The following ATP13A3 variants were observed in gnomAD, a reference collection of about 807,000 sequenced individuals.
The protein encoded by ATP13A3 is ATPase 13A3, also known as polyamine-transporting ATPase 13A3.
Under a neutral mutation model 158.1 loss-of-function variants are expected in ATP13A3, and 59 were observed. The observed-to-expected ratio is 0.37, with a 90% CI of 0.30 to 0.46. The LOEUF (loss-of-function observed/expected upper bound fraction) is 0.46. Ranked by LOEUF, ATP13A3 falls within the 20% of genes least tolerant of loss-of-function variation. ATP13A3 has a pLI of 1.00. For missense variants in ATP13A3, 1,166 were observed against 1,525.2 expected, an observed-to-expected ratio of 0.76 and a Z score of 3.92; for synonymous variants, 491 against 504.3, an observed-to-expected ratio of 0.97 and a Z score of 0.35.
chr3:194,437,020 T>G, intron 20 of ATP13A3, 75 bp downstream of exon 20: 1 of 1,482,684 alleles, frequency 6.7e-7, no homozygotes, highest in Non-Finnish European at 9.2e-7. Context: ...CTCAATTACA[T>G]GCAAATTACT....
intron 3 of ATP13A3, 34 bp from the exon 4 acceptor site, chr3:194,460,865 C>G: frequency 4.4e-6 from 7 of 1,581,668 alleles, no homozygotes; most frequent in Non-Finnish European, 6.0e-6. Context: ...GATTAATTAT[C>G]AAATGATAAA....
chr3:194,484,759 T>C (rs1287029253), intron 2 of ATP13A3, among the ~76,000 whole-genome samples: 1 of 152,138 alleles, frequency 6.6e-6, no homozygotes, highest in Non-Finnish European at 1.5e-5. Flanking sequence ...CTAAACTAAC[T>C]ATGTAAGTAT....
At chr3:194,437,266 T>G (rs774900470) in intron 19 of ATP13A3, 45 bp downstream of exon 19, 1 of 1,613,938 alleles carries the variant, frequency 6.2e-7, no homozygotes, top group Non-Finnish European at 8.5e-7. Flanking sequence ...AATACAAGTT[T>G]ACTCAAATAC....
Position 194,404,000 on chromosome 3 carries a change from G to T in ATP13A3, c.*1919C>A, listed in dbSNP as rs1478975289. The T allele has an allele frequency of 5.1e-6, 2 of 389,942 alleles. No homozygotes were observed. Among genetic ancestry groups the T allele is most frequent in the Non-Finnish European group, 1.0e-5 (2 of 197,574 alleles). 24.2% of individuals were successfully genotyped at this position (389,942 alleles called of 1,614,324 possible). A position where few individuals can be genotyped will look rare whatever the true frequency, so the allele number is the denominator to read the frequency against. On this transcript the variant is annotated 3_prime_UTR_variant, in exon 34 of 34. Coordinates refer to ENST00000645319, the MANE Select transcript of ATP13A3 (RefSeq NM_001367549.1). ...AATCGGATAATTGAATTTTTAAGCT[G>T]CTACTTAGCAATTACTTTCATTATA...
chr3:194,478,338 C>T (rs900808595), intron 2 of ATP13A3, among the ~76,000 whole-genome samples: 14 of 151,604 alleles, frequency 9.2e-5, no homozygotes, highest in Non-Finnish European at 1.5e-5. Flanking sequence ...TGACCAATGG[C>T]ACCAGGGAGA....
At chr3:194,425,273 A>T in intron 30 of ATP13A3, 69 bp downstream of exon 30, 1 of 1,357,786 alleles carries the variant, frequency 7.4e-7, no homozygotes, top group South Asian at 1.3e-5. Context: ...AGACAGTTAT[A>T]ATTATTCTCT....
chr3:194,427,273 G>C (rs1716854504), intron 28 of ATP13A3, 21 bp from the exon 29 acceptor site: 1 of 1,570,328 alleles, frequency 6.4e-7, no homozygotes, highest in African/African-American at 1.4e-5. Context: ...AAGAAAAAGA[G>C]GAAAGGTTTG....
intron 6 of ATP13A3, 39 bp downstream of exon 6, chr3:194,459,432 A>G (rs749033873): frequency 5.2e-6 from 7 of 1,343,080 alleles, no homozygotes; most frequent in South Asian, 2.4e-5. Context: ...CGTTTTCAGG[A>G]TATTCAAAAT....
At chr3:194,445,705 A>G (rs755963978) in intron 14 of ATP13A3, among the ~76,000 whole-genome samples, 19 of 152,232 alleles carry the variant, frequency 1.2e-4, no homozygotes, top group African/African-American at 3.9e-4. Flanking sequence ...CTAACAGAAC[A>G]TGTTTCCCAT....
At chr3:194,434,180 C>G (rs1467775386) in intron 20 of ATP13A3, among the ~76,000 whole-genome samples, 1 of 152,160 alleles carries the variant, frequency 6.6e-6, no homozygotes, top group Non-Finnish European at 1.5e-5. Context: ...AAGCATAAAT[C>G]TATTCTTTAC....
chr3:194,472,545 C>T (rs1720352169), intron 2 of ATP13A3, among the ~76,000 whole-genome samples: 1 of 152,180 alleles, frequency 6.6e-6, no homozygotes, highest in South Asian at 2.1e-4. Flanking sequence ...AGAAATAGAA[C>T]TGCTGCAGTT....
chr3:194,417,567 G>A (rs1715954015), intron 31 of ATP13A3, among the ~76,000 whole-genome samples: 1 of 152,038 alleles, frequency 6.6e-6, no homozygotes. Context: ...ATGGTAGCAT[G>A]GACAATATAG....
At chr3:194,472,521 T>C (rs747431372) in intron 2 of ATP13A3, among the ~76,000 whole-genome samples, 2 of 152,206 alleles carry the variant, frequency 1.3e-5, no homozygotes, top group Non-Finnish European at 2.9e-5. Flanking sequence ...AAGGCTGAGT[T>C]ACAACAAGAC....
At chr3:194,468,195 C>G (rs1014451739) in intron 2 of ATP13A3, 1 of 151,594 alleles carries the variant, frequency 6.6e-6, no homozygotes, top group African/African-American at 2.4e-5. Context: ...GAAGATGTGC[C>G]CTTCTGCCAT....
At chr3:194,406,888 C>T (rs28539850) in intron 33 of ATP13A3, among the ~76,000 whole-genome samples, 19,435 of 152,124 alleles carry the variant, frequency 0.13, 1,724 homozygotes, top group African/African-American at 0.24. Flanking sequence ...TGGTTTCCGT[C>T]GGTGCTCCAC....
At chr3:194,420,602 AC>A (rs982612922) in intron 30 of ATP13A3, among the ~76,000 whole-genome samples, 3 of 152,152 alleles carry the variant, frequency 2.0e-5, no homozygotes, top group African/African-American at 7.2e-5. Context: ...AAGTGGGCTG[AC>A]CTTATGGCTT....
chr3:194,450,885 A>T (rs997963602), intron 10 of ATP13A3: 2 of 152,224 alleles, frequency 1.3e-5, no homozygotes, highest in African/African-American at 4.8e-5. Flanking sequence ...TTAGTGAAAC[A>T]CTTTTAAAAA....
rs879538062 is a variant in ATP13A3, at chr3:194,405,017, G to C, written c.*902C>G. 2.6e-5 allele frequency: 4 copies of C among 152,086 alleles called. No homozygotes were observed. Among genetic ancestry groups the C allele is most frequent in the South Asian group, 4.2e-4 (2 of 4,818 alleles). 9.4% of individuals were successfully genotyped at this position (152,086 alleles called of 1,614,324 possible). A position where few individuals can be genotyped will look rare whatever the true frequency, so the allele number is the denominator to read the frequency against. On this transcript the variant is annotated 3_prime_UTR_variant, in exon 34 of 34. Coordinates refer to ENST00000645319, the MANE Select transcript of ATP13A3 (RefSeq NM_001367549.1). ...TATTATCCTATGTCTTTAGGTAATTGAAAACATAGAAGAAAATTTTAAAAA... is the reference window on the plus strand; with the variant it reads ...TATTATCCTATGTCTTTAGGTAATTCAAAACATAGAAGAAAATTTTAAAAA...
intron 20 of ATP13A3, among the ~76,000 whole-genome samples, chr3:194,434,615 T>TA (rs1367146098): frequency 6.6e-6 from 1 of 152,188 alleles, no homozygotes; most frequent in Non-Finnish European, 1.5e-5. Flanking sequence ...CAGTGATAGT[T>TA]ACGTTCTTAA....
Sources: allele counts gnomAD v4.1 joint callset (sites outside exome capture counted in the v4.1 genomes callset), GRCh38; gene constraint gnomAD v4.1.1; transcripts MANE v1.5; gene names NCBI Gene and HGNC (gene_info 2026-07-23, HGNC 2026-07-21).